The following METTL21A variants were observed in gnomAD, a reference collection of about 807,000 sequenced individuals.
METTL21A encodes the protein methyltransferase 21A, HSPA lysine.
METTL21A carries 22 observed loss-of-function variants against 20.9 expected under a neutral mutation model. The ratio of observed to expected loss-of-function variants is 1.05; its 90% CI spans 0.75 to 1.50. The LOEUF (loss-of-function observed/expected upper bound fraction) is 1.50, where lower values mean the gene tolerates loss of function less well. METTL21A is among the 40% of genes most tolerant of loss of function. The probability of loss-of-function intolerance (pLI) is 0.00; values close to 1 mark genes in which losing one functional copy is unlikely to be tolerated. For missense variants in METTL21A, 271 were observed against 266.8 expected (o/e 1.02, Z -0.11); for synonymous variants, 93 against 102.0 (o/e 0.91, Z 0.53).
chr2:207,603,533 A>G, intron 3 of METTL21A: 1 of 224,164 alleles, frequency 4.5e-6, no homozygotes, highest in Non-Finnish European at 8.9e-6. Flanking sequence ...ACAATATATT[A>G]CAAGCTTGTG....
chr2:207,616,241 A>T (rs1012116367), intron 3 of METTL21A, among the ~76,000 whole-genome samples: 1 of 152,162 alleles, frequency 6.6e-6, no homozygotes, highest in African/African-American at 2.4e-5. Flanking sequence ...TGTATCTCTG[A>T]ATTTCTTAAC....
intron 1 of METTL21A, 158 bp from the exon 2 acceptor site, chr2:207,624,562 GA>G (rs1381743106): frequency 7.0e-6 from 4 of 569,866 alleles, no homozygotes; most frequent in Non-Finnish European, 1.1e-5. Flanking sequence ...TGGCTCTTCC[GA>G]ATCTGAGTGA....
downstream of METTL21A, among the ~76,000 whole-genome samples, chr2:207,606,919 C>T (rs1262306307): frequency 6.6e-6 from 1 of 152,084 alleles, no homozygotes; most frequent in Non-Finnish European, 1.5e-5. Context: ...TTTTGTTATT[C>T]AGCATATGCC....
intron 1 of METTL21A, 85 bp from the exon 2 acceptor site, chr2:207,624,489 G>A: frequency 2.5e-6 from 3 of 1,203,272 alleles, no homozygotes; most frequent in Non-Finnish European, 3.3e-6. Context: ...TTTTAAGGTC[G>A]TTTACAAGTT....
At chr2:207,610,715 G>A (rs2088760384), downstream of METTL21A, 1 of 19,988 alleles carries the variant, frequency 5.0e-5, no homozygotes, top group African/African-American at 2.3e-4. Flanking sequence ...GAGGTGAGGG[G>A]CTCCTCTGCC....
At position 207,613,384 on chromosome 2, in the gene METTL21A, GA is replaced by G; in HGVS notation, c.318del (p.Gln107LysfsTer17). The G allele has an allele frequency of 6.2e-7, 1 of 1,609,476 alleles. No individual in the cohort carries two copies. The highest frequency in any genetic ancestry group is 1.7e-5 in the Admixed American group (1 of 58,462). On this transcript the variant is annotated frameshift_variant, in exon 4 of 4. Transcript: ENST00000406927. LOFTEE classifies it high-confidence loss of function. ...TGGATATGAGGAGGTAAGTTGGCTTGAACGTTTGATTTAAGAAATTCTAATG... is the reference window on the plus strand; with the variant it reads ...TGGATATGAGGAGGTAAGTTGGCTTGACGTTTGATTTAAGAAATTCTAATG...
chr2:207,597,709 T>C (rs2086398383), intron 3 of METTL21A: 1 of 206,262 alleles, frequency 4.8e-6, no homozygotes, highest in East Asian at 7.4e-5. Flanking sequence ...AATACAGCTC[T>C]TCCATAGGGC....
At chr2:207,587,075 G>A (rs1033465357) in intron 3 of METTL21A, among the ~76,000 whole-genome samples, 4 of 152,120 alleles carry the variant, frequency 2.6e-5, no homozygotes, top group Admixed American at 6.5e-5. Context: ...CAGCCATTAC[G>A]GAAAACGGTG....
intron 3 of METTL21A, chr2:207,601,933 G>C (rs901130199): frequency 4.0e-4 from 85 of 211,230 alleles, no homozygotes; most frequent in African/African-American, 1.9e-3. Flanking sequence ...CACAGTCACT[G>C]TATGTACTAG....
At chr2:207,589,559 G>A (rs2084562135) in intron 3 of METTL21A, among the ~76,000 whole-genome samples, 1 of 152,118 alleles carries the variant, frequency 6.6e-6, no homozygotes, top group African/African-American at 2.4e-5. Context: ...GGACACCTTT[G>A]GGGGACCTTA....
At chr2:207,603,508 A>T (rs2087489825) in intron 3 of METTL21A, 1 of 224,612 alleles carries the variant, frequency 4.5e-6, no homozygotes, top group Non-Finnish European at 8.9e-6. Context: ...GCCATGTTTT[A>T]TTGGACTTAA....
chr2:207,615,682 G>A lies in METTL21A; in HGVS notation c.260-2239C>T, dbSNP rs1351032316. The A allele has an allele frequency of 2.1e-5, 3 of 140,570 alleles. No homozygotes were observed. The East Asian group carries it at 6.0e-4, about 28-fold the overall frequency. 8.7% of individuals were successfully genotyped at this position (140,570 alleles called of 1,614,324 possible). ...CTGCACTCCAGCCTGGCAACAGAGT[G>A]AGACTCCGTCTAAAAAAAAAAAAAA... On this transcript the variant is annotated intron_variant, in intron 3 of 3. Transcript: ENST00000406927.
intron 3 of METTL21A, chr2:207,603,365 A>G: frequency 4.4e-6 from 1 of 224,810 alleles, no homozygotes; most frequent in African/African-American, 2.2e-5. Context: ...TTGTGGTATC[A>G]ACTGTCATAA....
At chr2:207,582,892 A>C (rs1163280013) in intron 3 of METTL21A, 3 of 298,594 alleles carry the variant, frequency 1.0e-5, no homozygotes, top group Non-Finnish European at 2.0e-5. Flanking sequence ...CTCTGTCTCA[A>C]AAAAACAAAC....
At chr2:207,615,805 G>A (rs1256249280) in intron 3 of METTL21A, 1 of 152,010 alleles carries the variant, frequency 6.6e-6, no homozygotes, top group East Asian at 1.9e-4. Context: ...TAATTTTTCA[G>A]TGATTATATA....
chr2:207,599,606 ATCCTGTTGCTAAATCTGTC>A (rs1315921043), intron 3 of METTL21A: 2 of 199,258 alleles, frequency 1.0e-5, no homozygotes, highest in Non-Finnish European at 2.1e-5. Context: ...TGAGAAATGT[ATCCTGTTGCTAAATCTGTC>A]TTAGACCCTT....
downstream of METTL21A, among the ~76,000 whole-genome samples, chr2:207,604,358 C>G (rs1489373566): frequency 6.6e-6 from 1 of 152,216 alleles, no homozygotes; most frequent in Admixed American, 6.5e-5. Flanking sequence ...CCCAAATCTT[C>G]CTTCCGCTGG....
At chr2:207,622,164 T>A (rs2090569003) in intron 2 of METTL21A, among the ~76,000 whole-genome samples, 1 of 145,354 alleles carries the variant, frequency 6.9e-6, no homozygotes, top group African/African-American at 2.5e-5. Flanking sequence ...AAGCTTAATT[T>A]TTTTTTTTTT....
At chr2:207,603,661 G>A (rs1446657900) in intron 3 of METTL21A, among the ~76,000 whole-genome samples, 3 of 152,176 alleles carry the variant, frequency 2.0e-5, no homozygotes. Context: ...TGGATTTGGA[G>A]ATGTTACTGT....
Sources: gnomAD v4.1 joint callset for allele counts (sites outside exome capture counted in the v4.1 genomes callset) on GRCh38, gnomAD v4.1.1 for gene constraint, MANE v1.5 for transcripts, NCBI Gene and HGNC (gene_info 2026-07-23, HGNC 2026-07-21) for gene names.